Variants in RAPGEF4 observed in about 807,000 individuals in gnomAD.
The protein encoded by RAPGEF4 is Rap guanine nucleotide exchange factor 4, also known as RAP guanine-nucleotide-exchange factor (GEF) 4.
Under a neutral mutation model 147.9 loss-of-function variants are expected in RAPGEF4, and 66 were observed. That is an observed-to-expected ratio of 0.45 (90% CI 0.37 to 0.55). The LOEUF is 0.55. Among genes scored for constraint, RAPGEF4 ranks in the 20% least tolerant of loss-of-function variants. The pLI is 0.00. For synonymous variants in RAPGEF4, 419 were observed against 442.7 expected (o/e 0.95, Z 0.67); for missense variants, 1,071 against 1,257.3 (o/e 0.85, Z 2.24).
chr2:172,871,017 G>GCAGAC (rs1695182726), intron 4 of RAPGEF4, among the ~76,000 whole-genome samples: 2 of 152,248 alleles, frequency 1.3e-5, no homozygotes, highest in South Asian at 4.1e-4. Context: ...CCTGCCTTAA[G>GCAGAC]TCTCAGATAG....
intron 6 of RAPGEF4, among the ~76,000 whole-genome samples, chr2:172,952,611 C>T (rs1049096006): frequency 2.6e-5 from 4 of 152,120 alleles, no homozygotes; most frequent in East Asian, 1.9e-4. Context: ...AATCTAGGCT[C>T]GATCAAGCCA....
At chr2:173,048,812 A>AT (rs796416633) in intron 30 of RAPGEF4, among the ~76,000 whole-genome samples, 158 bp downstream of exon 30, 18 of 152,114 alleles carry the variant, frequency 1.2e-4, no homozygotes, top group African/African-American at 3.4e-4. Flanking sequence ...GAGTTTAAAG[A>AT]TTTTTTTTGC....
intron 4 of RAPGEF4, among the ~76,000 whole-genome samples, chr2:172,837,483 C>T (rs924305892): frequency 4.6e-5 from 7 of 152,258 alleles, no homozygotes; most frequent in South Asian, 2.1e-4. Flanking sequence ...TTATCAGTGA[C>T]GAACCAGCCA....
At chr2:172,950,517 G>A (rs770293050) in intron 6 of RAPGEF4, among the ~76,000 whole-genome samples, 1 of 152,134 alleles carries the variant, frequency 6.6e-6, no homozygotes, top group Non-Finnish European at 1.5e-5. Flanking sequence ...GGAGGGTAAT[G>A]TAAGGATTAT....
At chr2:172,973,117 T>C (rs1055158480) in intron 10 of RAPGEF4, among the ~76,000 whole-genome samples, 1 of 149,536 alleles carries the variant, frequency 6.7e-6, no homozygotes, top group African/African-American at 2.5e-5. Context: ...CTTTTTTTTT[T>C]TTTTTCTTTT....
chr2:173,033,049 A>G, intron 26 of RAPGEF4, among the ~76,000 whole-genome samples: 1 of 152,246 alleles, frequency 6.6e-6, no homozygotes, highest in East Asian at 1.9e-4. Context: ...CAAAGTAGGA[A>G]CCAATAAATT....
intron 4 of RAPGEF4, among the ~76,000 whole-genome samples, chr2:172,893,535 A>G (rs1043013279): frequency 6.6e-6 from 1 of 152,230 alleles, no homozygotes; most frequent in Non-Finnish European, 1.5e-5. Context: ...CTTTTGATTC[A>G]GGATTCTAGG....
At chr2:172,852,379 AC>A (rs1311431692) in intron 4 of RAPGEF4, among the ~76,000 whole-genome samples, 1 of 152,178 alleles carries the variant, frequency 6.6e-6, no homozygotes, top group Admixed American at 6.6e-5. Flanking sequence ...CCGAAACGTA[AC>A]CCTTCTCAGA....
At chr2:173,028,561 A>G (rs929927990) in intron 25 of RAPGEF4, among the ~76,000 whole-genome samples, 3 of 152,018 alleles carry the variant, frequency 2.0e-5, no homozygotes, top group African/African-American at 7.3e-5. Context: ...TTTTTTTTAT[A>G]TATATATATT....
intron 10 of RAPGEF4, among the ~76,000 whole-genome samples, chr2:172,973,643 G>A (rs763333638): frequency 6.6e-6 from 1 of 152,120 alleles, no homozygotes; most frequent in Non-Finnish European, 1.5e-5. Flanking sequence ...TGCCCTCTGT[G>A]TACGTTGGGT....
chr2:172,869,719 A>G (rs1435051170), intron 4 of RAPGEF4, among the ~76,000 whole-genome samples: 1 of 152,198 alleles, frequency 6.6e-6, no homozygotes, highest in Non-Finnish European at 1.5e-5. Context: ...CAGCCTTAAT[A>G]TAAGTATATT....
At chr2:173,017,649 G>A in intron 21 of RAPGEF4, 145 bp downstream of exon 21, 1 of 712,920 alleles carries the variant, frequency 1.4e-6, no homozygotes, top group South Asian at 1.9e-5. Flanking sequence ...GCCCTTTGGT[G>A]GCCCGATTAT....
chr2:172,851,712 C>G (rs1559075818), intron 4 of RAPGEF4, among the ~76,000 whole-genome samples: 1 of 152,048 alleles, frequency 6.6e-6, no homozygotes, highest in African/African-American at 2.4e-5. Context: ...CCAAACACTG[C>G]CATGTTCTCA....
At chr2:172,757,542 C>A (rs1005272182) in intron 1 of RAPGEF4, among the ~76,000 whole-genome samples, 3 of 152,188 alleles carry the variant, frequency 2.0e-5, no homozygotes, top group African/African-American at 7.2e-5. Context: ...TTCCCTTGCA[C>A]AAACATAATA....
At chr2:172,906,322 C>T (rs1265734840) in intron 4 of RAPGEF4, among the ~76,000 whole-genome samples, 1 of 152,116 alleles carries the variant, frequency 6.6e-6, no homozygotes, top group Non-Finnish European at 1.5e-5. Context: ...CCCCACATCC[C>T]CAGAACAGTC....
intron 4 of RAPGEF4, chr2:172,860,323 A>G (rs41525849): frequency 0.078 from 76,727 of 985,118 alleles, 3,144 homozygotes; most frequent in Non-Finnish European, 0.083. Context: ...TGTTTTATCC[A>G]TGTATTTAGC....
intron 1 of RAPGEF4, among the ~76,000 whole-genome samples, chr2:172,779,043 A>G (rs926966681): frequency 1.3e-5 from 2 of 152,204 alleles, no homozygotes; most frequent in African/African-American, 2.4e-5. Flanking sequence ...ACTTTTCATG[A>G]TTATACATTC....
chr2:172,941,806 C>T (rs1319898519), intron 6 of RAPGEF4, among the ~76,000 whole-genome samples: 1 of 152,126 alleles, frequency 6.6e-6, no homozygotes, highest in African/African-American at 2.4e-5. Context: ...GATTCATCAT[C>T]TGAAAAATGG....
At chr2:172,799,450 C>G (rs3769320) in intron 3 of RAPGEF4, among the ~76,000 whole-genome samples, 9,480 of 152,234 alleles carry the variant, frequency 0.062, 720 homozygotes, top group East Asian at 0.36. Flanking sequence ...TCTCTCCCTG[C>G]CTTTTGTCAT....
Sources: gnomAD v4.1 joint callset for allele counts (sites outside exome capture counted in the v4.1 genomes callset) on GRCh38, gnomAD v4.1.1 for gene constraint, MANE v1.5 for transcripts, NCBI Gene and HGNC (gene_info 2026-07-23, HGNC 2026-07-21) for gene names.